The following RBFOX1 variants were observed in gnomAD, a reference collection of about 807,000 sequenced individuals.
RBFOX1 encodes RNA binding protein fox-1 homolog 1.
In RBFOX1, 8 loss-of-function variants were observed where a neutral mutation model predicts 57.7. That is an observed-to-expected ratio of 0.14 (90% CI 0.08 to 0.25). RBFOX1 has a LOEUF of 0.25. RBFOX1 is among the 10% of genes least tolerant of loss of function. RBFOX1 has a pLI of 1.00. For missense variants in RBFOX1, 611 were observed against 548.5 expected (o/e 1.11, Z -1.14); for synonymous variants, 326 against 222.4 (o/e 1.47, Z -4.15).
intron 4 of RBFOX1, among the ~76,000 whole-genome samples, chr16:7,153,606 G>T (rs1239504403): frequency 6.6e-6 from 1 of 151,706 alleles, no homozygotes; most frequent in South Asian, 2.1e-4. Flanking sequence ...TGGTGATGGT[G>T]GTGGGGGGAG....
intron 4 of RBFOX1, among the ~76,000 whole-genome samples, chr16:7,484,899 G>A (rs150151165): frequency 3.7e-4 from 56 of 152,284 alleles, no homozygotes; most frequent in Middle Eastern, 3.4e-3. Context: ...GATATTGTCA[G>A]TATCAGGAAA....
chr16:6,016,219 A>C (rs1251606410), upstream of RBFOX1, among the ~76,000 whole-genome samples: 1 of 152,152 alleles, frequency 6.6e-6, no homozygotes, highest in Non-Finnish European at 1.5e-5. Context: ...AGGTAAATGG[A>C]GGTGTTAGAG....
At chr16:6,338,885 A>T (rs2084133628) in intron 2 of RBFOX1, among the ~76,000 whole-genome samples, 1 of 152,166 alleles carries the variant, frequency 6.6e-6, no homozygotes, top group Admixed American at 6.5e-5. Flanking sequence ...TTCTTCATTG[A>T]ATGAATTAGT....
At chr16:5,295,257 C>T (rs1266930028) in intron 1 of RBFOX1, among the ~76,000 whole-genome samples, 1 of 152,110 alleles carries the variant, frequency 6.6e-6, no homozygotes, top group African/African-American at 2.4e-5. Context: ...GAGACTGAGA[C>T]CAGAACTCTG....
intron 3 of RBFOX1, among the ~76,000 whole-genome samples, chr16:6,974,336 C>CTTTTTTTTTTTTTTT (rs59299498): frequency 4.4e-4 from 26 of 58,680 alleles, no homozygotes; most frequent in East Asian, 1.3e-3. Context: ...TTTTCTTTTT[C>CTTTTTTTTTTTTTTT]TTTTTTTTTT....
At chr16:6,239,512 T>A in intron 1 of RBFOX1, among the ~76,000 whole-genome samples, 1 of 126,450 alleles carries the variant, frequency 7.9e-6, no homozygotes, top group African/African-American at 3.2e-5. Flanking sequence ...TTTTTTTTTT[T>A]TTCTGAGATA....
At position 5,802,066 on chromosome 16, in the gene RBFOX1, G is replaced by C. The variant is rs573261274; in HGVS notation, c.319-65237G>C. Among the ~76,000 whole-genome samples the C allele has an allele frequency of 6.8e-4, 103 of 152,164 alleles. 2 individuals carry two copies. The highest frequency in any genetic ancestry group is 2.3e-3 in the African/African-American group (94 of 41,478). On this transcript the variant is annotated intron_variant, in intron 3 of 19. Coordinates refer to the RBFOX1 transcript ENST00000641259. ...CTTTATAGATTAAATCTGATTCGCA[G>C]GTTCCTTGGAAGCAGACGTGTAATA...
chr16:7,612,742 G>A (rs1048641495), intron 10 of RBFOX1, among the ~76,000 whole-genome samples: 5 of 152,092 alleles, frequency 3.3e-5, no homozygotes. Flanking sequence ...AATAACAGAA[G>A]GTTACACAAA....
At chr16:6,953,024 G>A (rs1265128860) in intron 3 of RBFOX1, among the ~76,000 whole-genome samples, 1 of 152,056 alleles carries the variant, frequency 6.6e-6, no homozygotes, top group East Asian at 1.9e-4. Flanking sequence ...TACCTCACCT[G>A]GCAATGTATA....
intron 1 of RBFOX1, among the ~76,000 whole-genome samples, chr16:6,257,572 C>T (rs1478683994): frequency 6.6e-6 from 1 of 152,122 alleles, no homozygotes; most frequent in Non-Finnish European, 1.5e-5. Context: ...TCTCCCACTT[C>T]CCATCCTCCA....
chr16:5,270,963 C>G, intron 1 of RBFOX1: 1 of 355,330 alleles, frequency 2.8e-6, no homozygotes, highest in South Asian at 2.6e-5. Flanking sequence ...AAAGTTCAGA[C>G]TTATAACAGT....
intron 3 of RBFOX1, among the ~76,000 whole-genome samples, chr16:5,679,586 G>T (rs2050267650): frequency 6.6e-6 from 1 of 152,124 alleles, no homozygotes; most frequent in Non-Finnish European, 1.5e-5. Context: ...TCCCACTTAT[G>T]AGTGAGAACA....
exon 3 of RBFOX1, chr16:5,600,075 G>C (rs1022782080): frequency 6.7e-6 from 1 of 150,104 alleles, no homozygotes; most frequent in African/African-American, 2.5e-5. Flanking sequence ...TGATCAAGAG[G>C]TCAGGAGATC....
At chr16:5,330,063 C>T (rs545344610) in intron 1 of RBFOX1, among the ~76,000 whole-genome samples, 4 of 152,018 alleles carry the variant, frequency 2.6e-5, no homozygotes, top group South Asian at 4.2e-4. Flanking sequence ...ACAAGGGACC[C>T]GTGAACTCTC....
At position 5,299,374 on chromosome 16, in the gene RBFOX1, TTATGAATAAAACTTC is replaced by T. The variant is rs370649332; in HGVS notation, c.219+59280_219+59294del. ...AGACATTTGTTTCCAGTTTTGCTTA[TTATGAATAAAACTTC>T]TATGAATAAATATTTACCAAACTTT... is the stretch of plus-strand genomic sequence containing the variant. On this transcript the variant is annotated intron_variant, in intron 1 of 2. Coordinates refer to the RBFOX1 transcript ENST00000585867. Among the ~76,000 whole-genome samples, 171 of 152,338 alleles carry T rather than the reference TTATGAATAAAACTTC, an allele frequency of 1.1e-3. 2 individuals are homozygous for T. The highest frequency in any genetic ancestry group is 3.9e-3 in the African/African-American group (161 of 41,572).
At chr16:6,892,322 A>T (rs1056835818) in intron 3 of RBFOX1, among the ~76,000 whole-genome samples, 10 of 152,204 alleles carry the variant, frequency 6.6e-5, no homozygotes, top group African/African-American at 2.4e-4. Context: ...CTCTAAAAAT[A>T]ACTCATTTGA....
intron 3 of RBFOX1, among the ~76,000 whole-genome samples, chr16:6,994,662 C>A (rs1178769787): frequency 2.0e-5 from 3 of 152,186 alleles, no homozygotes; most frequent in African/African-American, 7.2e-5. Flanking sequence ...TCCACTTAAT[C>A]TCTTTTATGC....
chr16:7,410,890 G>T (rs373213270), intron 4 of RBFOX1, among the ~76,000 whole-genome samples: 1 of 151,018 alleles, frequency 6.6e-6, no homozygotes, highest in Non-Finnish European at 1.5e-5. Context: ...ATTGTGGGGA[G>T]TACTAATAAG....
chr16:6,003,645 T>C lies in RBFOX1; in HGVS notation c.351+136310T>C, dbSNP rs1027657020. On this transcript the variant is annotated intron_variant, in intron 4 of 19. Transcript: ENST00000641259. The stretch of plus-strand genomic sequence containing the variant: ...AGTGTGCCAGGTCTTTTCTTTCCTA[T>C]TGGGATCCTGCCAACTGCAAAGCTA... Among the ~76,000 whole-genome samples, 11 of 152,368 alleles carry C rather than the reference T, an allele frequency of 7.2e-5. No homozygotes were observed. The East Asian group carries it at 7.7e-4, about 11-fold the overall frequency.
Sources: gnomAD v4.1 joint callset for allele counts (sites outside exome capture counted in the v4.1 genomes callset) on GRCh38, gnomAD v4.1.1 for gene constraint, MANE v1.5 for transcripts, NCBI Gene and HGNC (gene_info 2026-07-23, HGNC 2026-07-21) for gene names.